The following NYAP2 variants were observed in gnomAD, a reference collection of about 807,000 sequenced individuals.
NYAP2 encodes the protein neuronal tyrosine-phosphorylated phosphoinositide-3-kinase adaptor 2, also known as neuronal tyrosine-phosphorylated phosphoinositide-3-kinase adapter 2.
Under a neutral mutation model 50.4 loss-of-function variants are expected in NYAP2, and 23 were observed. The ratio of observed to expected loss-of-function variants is 0.46; its 90% CI spans 0.33 to 0.65. The LOEUF (loss-of-function observed/expected upper bound fraction) is 0.65. Ranked by LOEUF, NYAP2 falls within the 30% of genes least tolerant of loss-of-function variation. NYAP2 has a pLI of 0.02. For synonymous variants in NYAP2, 394 were observed against 365.2 expected, an observed-to-expected ratio of 1.08 and a Z score of -0.90; for missense variants, 885 against 861.0, an observed-to-expected ratio of 1.03 and a Z score of -0.35.
chr2:225,667,322 T>G, the NYAP2 span, among the ~76,000 whole-genome samples: 1 of 151,772 alleles, frequency 6.6e-6, no homozygotes, highest in Non-Finnish European at 1.5e-5. Flanking sequence ...TTAATAAGAG[T>G]GGGTGGGAGG....
chr2:225,588,660 T>C (rs537695704), intron 5 of NYAP2, among the ~76,000 whole-genome samples: 1 of 152,374 alleles, frequency 6.6e-6, no homozygotes, highest in African/African-American at 2.4e-5. Context: ...TCTACTTTTA[T>C]ATGCTGTTCC....
Position 225,416,042 on chromosome 2 carries a change from G to A in NYAP2, c.221+6941G>A, listed in dbSNP as rs112283701. Reference sequence around the variant, plus strand: ...CTCAGGCAGAGAAAACAAGGTTAATGTGTTGATAACGGGTGAGATTAAACA... The same window carrying A: ...CTCAGGCAGAGAAAACAAGGTTAATATGTTGATAACGGGTGAGATTAAACA... On this transcript the variant is annotated intron_variant, in intron 3 of 6. Transcript: ENST00000636099. Among the ~76,000 whole-genome samples the A allele has an allele frequency of 3.0e-3, 454 of 152,266 alleles. 1 individual carries two copies. Among genetic ancestry groups the A allele is most frequent in the African/African-American group, 9.8e-3 (406 of 41,564 alleles).
At chr2:225,680,796 T>C in the NYAP2 span, among the ~76,000 whole-genome samples, 13 of 152,148 alleles carry the variant, frequency 8.5e-5, no homozygotes, top group South Asian at 4.1e-4. Flanking sequence ...ACAAAGCATA[T>C]ATAAAGAGTT....
chr2:225,515,859 C>A (rs936658429), intron 4 of NYAP2, among the ~76,000 whole-genome samples: 2 of 151,766 alleles, frequency 1.3e-5, no homozygotes, highest in Non-Finnish European at 2.9e-5. Context: ...AGATGGGGGG[C>A]CTGAATGCAG....
chr2:225,498,930 C>G (rs146508123), intron 3 of NYAP2, among the ~76,000 whole-genome samples: 4 of 152,022 alleles, frequency 2.6e-5, no homozygotes, highest in African/African-American at 9.7e-5. Flanking sequence ...TTTGGAAATG[C>G]GCAGTATTTT....
chr2:225,472,500 C>T (rs930061833), intron 3 of NYAP2, among the ~76,000 whole-genome samples: 1 of 152,044 alleles, frequency 6.6e-6, no homozygotes, highest in Non-Finnish European at 1.5e-5. Flanking sequence ...AAGAGTCCTT[C>T]AAAATTAAAC....
the NYAP2 span, among the ~76,000 whole-genome samples, chr2:225,691,689 G>T: frequency 6.6e-6 from 1 of 152,064 alleles, no homozygotes; most frequent in Non-Finnish European, 1.5e-5. Context: ...AAGCACAGTT[G>T]CAGGTGACTC....
chr2:225,481,182 T>A (rs1690201310), intron 3 of NYAP2, among the ~76,000 whole-genome samples: 1 of 152,142 alleles, frequency 6.6e-6, no homozygotes. Flanking sequence ...ATTAAAAGTG[T>A]CATCCTGTAT....
downstream of NYAP2, chr2:225,654,018 C>CA (rs1202785934): frequency 8.0e-3 from 658 of 81,826 alleles, 3 homozygotes; most frequent in South Asian, 0.024. Flanking sequence ...GACTCCATCT[C>CA]AAAAAAAAAA....
intron 4 of NYAP2, among the ~76,000 whole-genome samples, chr2:225,517,328 G>A (rs1690954356): frequency 6.6e-6 from 1 of 152,144 alleles, no homozygotes; most frequent in Non-Finnish European, 1.5e-5. Context: ...TAGAAAGAGT[G>A]AGAGGCCCTA....
At chr2:225,573,782 T>G (rs895463959) in intron 4 of NYAP2, among the ~76,000 whole-genome samples, 12 of 152,200 alleles carry the variant, frequency 7.9e-5, no homozygotes, top group African/African-American at 2.9e-4. Context: ...CTAAGAGGTC[T>G]TTCACAGCAA....
rs111347473 is a variant in NYAP2, at chr2:225,647,491, C to T, written c.1829-3941C>T. 8.0e-3 allele frequency among the ~76,000 whole-genome samples: 1,219 copies of T among 152,232 alleles called. 28 individuals are homozygous for T. The highest frequency in any genetic ancestry group is 0.028 in the African/African-American group (1,170 of 41,540). On this transcript the variant is annotated intron_variant, in intron 6 of 6. Coordinates refer to ENST00000636099, the Ensembl canonical transcript of NYAP2. Reference sequence around the variant, plus strand: ...AAATCAAGGGAGAATTTTCAAATGCCGTGCCTTCTCTGTAGGACCCCAGAG... The same window carrying T: ...AAATCAAGGGAGAATTTTCAAATGCTGTGCCTTCTCTGTAGGACCCCAGAG...
At chr2:225,535,046 C>A (rs866031104) in intron 4 of NYAP2, among the ~76,000 whole-genome samples, 1 of 152,174 alleles carries the variant, frequency 6.6e-6, no homozygotes, top group African/African-American at 2.4e-5. Flanking sequence ...AGAGATACTG[C>A]ACTGCACTAC....
At position 225,597,017 on chromosome 2, in the gene NYAP2, A is replaced by T. The variant is rs1692611483; in HGVS notation, c.1618+13982A>T. Among the ~76,000 whole-genome samples, 3 of 152,172 alleles carry T rather than the reference A, an allele frequency of 2.0e-5. No individual in the cohort carries two copies. The South Asian group carries it at 6.2e-4, about 32-fold the overall frequency. ...CGTCTGTTTAACCAGCTTAAAAAAC[A>T]ACCTCCTTATAGTGGAAGATAGAGT... On this transcript the variant is annotated intron_variant, in intron 5 of 6. Transcript: ENST00000636099.
At chr2:225,434,259 A>G (rs965534683) in intron 3 of NYAP2, among the ~76,000 whole-genome samples, 9 of 152,118 alleles carry the variant, frequency 5.9e-5, no homozygotes, top group African/African-American at 1.9e-4. Flanking sequence ...GTACAGCAGC[A>G]TCCTAGGGGG....
Position 225,487,847 on chromosome 2 carries a change from A to G in NYAP2, c.222-25524A>G, listed in dbSNP as rs556387637. ...CTCCACCCACACCCACATACAGATTATCAATTTTATAGGTGGCATTTCTAA... is the reference window on the plus strand; with the variant it reads ...CTCCACCCACACCCACATACAGATTGTCAATTTTATAGGTGGCATTTCTAA... On this transcript the variant is annotated intron_variant, in intron 3 of 6. Transcript: ENST00000636099. Among the ~76,000 whole-genome samples the G allele has an allele frequency of 3.9e-5, 6 of 152,340 alleles. No homozygotes were observed. The East Asian group carries it at 9.6e-4, about 24-fold the overall frequency.
chr2:225,424,306 T>C (rs1695256088), intron 3 of NYAP2, among the ~76,000 whole-genome samples: 1 of 152,148 alleles, frequency 6.6e-6, no homozygotes, highest in Admixed American at 6.5e-5. Flanking sequence ...CTGCTTACTT[T>C]CTTTTAATAT....
intron 4 of NYAP2, among the ~76,000 whole-genome samples, chr2:225,574,575 A>G (rs1692134655): frequency 6.6e-6 from 1 of 152,134 alleles, no homozygotes; most frequent in Non-Finnish European, 1.5e-5. Flanking sequence ...TTGGGGCCCA[A>G]AGTGTTTTTT....
At chr2:225,552,954 A>G (rs1018037323) in intron 4 of NYAP2, among the ~76,000 whole-genome samples, 5 of 152,128 alleles carry the variant, frequency 3.3e-5, no homozygotes, top group Non-Finnish European at 7.4e-5. Context: ...CCAAAGTGCT[A>G]AGATTACAGG....
Sources: gnomAD v4.1 joint callset for allele counts (sites outside exome capture counted in the v4.1 genomes callset) on GRCh38, gnomAD v4.1.1 for gene constraint, MANE v1.5 for transcripts, NCBI Gene and HGNC (gene_info 2026-07-23, HGNC 2026-07-21) for gene names.